The following LYRM4 variants were observed in gnomAD, a reference collection of about 807,000 sequenced individuals.
LYRM4 encodes the protein LYR motif containing 4.
In LYRM4, 9 loss-of-function variants were observed where a neutral mutation model predicts 11.7. The observed-to-expected ratio is 0.77, with a 90% CI of 0.46 to 1.34. The LOEUF (loss-of-function observed/expected upper bound fraction) is 1.34. Ranked by LOEUF, LYRM4 falls within the 40% of genes most tolerant of loss-of-function variation. The pLI, the probability that LYRM4 is intolerant of heterozygous loss-of-function variation, is 0.00. For synonymous variants in LYRM4, 42 were observed against 40.4 expected, an observed-to-expected ratio of 1.04 and a Z score of -0.15; for missense variants, 133 against 112.5, an observed-to-expected ratio of 1.18 and a Z score of -0.82.
chr6:5,103,793 C>T (rs1305184192), downstream of LYRM4: 4 of 151,880 alleles, frequency 2.6e-5, no homozygotes, highest in African/African-American at 9.7e-5. Flanking sequence ...CACTGCCACG[C>T]CTGGCTAATT....
chr6:5,038,594 C>G, the LYRM4 span, among the ~76,000 whole-genome samples: 1 of 64,628 alleles, frequency 1.5e-5, no homozygotes, highest in Non-Finnish European at 3.8e-5. Flanking sequence ...AGCCTGGGCA[C>G]CATTGAGCAC....
intron 1 of LYRM4, among the ~76,000 whole-genome samples, chr6:5,257,099 A>T (rs939509367): frequency 1.3e-5 from 2 of 152,032 alleles, no homozygotes; most frequent in Non-Finnish European, 2.9e-5. Context: ...CATCTTCTAC[A>T]CTGCTGCCAG....
chr6:5,166,535 C>T lies in LYRM4; in HGVS notation c.207+50083G>A, dbSNP rs1039054414. 1.6e-3 allele frequency among the ~76,000 whole-genome samples: 249 copies of T among 152,284 alleles called. 4 individuals are homozygous for T. The highest frequency in any genetic ancestry group is 2.4e-4 in the Non-Finnish European group (16 of 68,022). ...GTATTGAAGCCTTTTCCTACTTGTC[C>T]TATTTGTTCTAGGATATCGGTCCAA... On this transcript the variant is annotated intron_variant, in intron 2 of 2. Coordinates refer to ENST00000330636, the MANE Select transcript of LYRM4 (RefSeq NM_020408.6).
At chr6:5,229,326 TG>T (rs1305505995) in intron 1 of LYRM4, among the ~76,000 whole-genome samples, 1 of 152,110 alleles carries the variant, frequency 6.6e-6, no homozygotes, top group Non-Finnish European at 1.5e-5. Flanking sequence ...CTGTTGAGGT[TG>T]GAAATGGCCA....
At chr6:5,067,501 A>C in the LYRM4 span, among the ~76,000 whole-genome samples, 2 of 152,232 alleles carry the variant, frequency 1.3e-5, no homozygotes, top group Non-Finnish European at 2.9e-5. Flanking sequence ...TTCTCACAAC[A>C]TGGCGGCCAG....
chr6:5,092,416 T>A, the LYRM4 span, among the ~76,000 whole-genome samples: 1 of 151,982 alleles, frequency 6.6e-6, no homozygotes, highest in Non-Finnish European at 1.5e-5. Flanking sequence ...CGTTTTACAT[T>A]ATTTTTAAAA....
chr6:5,128,909 G>T (rs1480026479), intron 2 of LYRM4, among the ~76,000 whole-genome samples: 3 of 152,256 alleles, frequency 2.0e-5, no homozygotes, highest in Non-Finnish European at 4.4e-5. Context: ...TGGGCAGCCA[G>T]TGCTTGGGCC....
At chr6:5,045,079 C>T in the LYRM4 span, among the ~76,000 whole-genome samples, 2 of 152,282 alleles carry the variant, frequency 1.3e-5, no homozygotes, top group Admixed American at 6.5e-5. Flanking sequence ...ACTCAACATC[C>T]GGTTGCCAAT....
chr6:5,095,063 A>G, the LYRM4 span, among the ~76,000 whole-genome samples: 1 of 152,192 alleles, frequency 6.6e-6, no homozygotes, highest in Non-Finnish European at 1.5e-5. Flanking sequence ...TCACACATGT[A>G]CAGGTATCAA....
chr6:5,147,654 A>C (rs893126288), intron 2 of LYRM4, among the ~76,000 whole-genome samples: 2 of 152,232 alleles, frequency 1.3e-5, no homozygotes, highest in African/African-American at 2.4e-5. Flanking sequence ...GGAAGACAGG[A>C]AACAGGGATA....
chr6:5,067,090 C>T, the LYRM4 span: 3 of 287,070 alleles, frequency 1.0e-5, no homozygotes, highest in Admixed American at 5.2e-5. Context: ...ATGCACTTGG[C>T]GGAAAAATTA....
chr6:5,245,163 T>A (rs187213951), intron 1 of LYRM4, among the ~76,000 whole-genome samples: 3,496 of 64,774 alleles, frequency 0.054, 163 homozygotes, highest in Middle Eastern at 0.073. Context: ...TATATATATA[T>A]AAAATAGGTG....
intron 1 of LYRM4, among the ~76,000 whole-genome samples, chr6:5,257,024 C>A (rs987110355): frequency 1.3e-5 from 2 of 152,130 alleles, no homozygotes; most frequent in Admixed American, 6.5e-5. Context: ...TCCTTACTAG[C>A]GTCCTAATCT....
At chr6:5,082,116 A>G in the LYRM4 span, among the ~76,000 whole-genome samples, 1 of 152,188 alleles carries the variant, frequency 6.6e-6, no homozygotes, top group East Asian at 1.9e-4. Context: ...TCCGTGAGTC[A>G]TATGGAAGCT....
At chr6:5,260,149 T>A (rs1764934754) in intron 1 of LYRM4, among the ~76,000 whole-genome samples, 1 of 152,160 alleles carries the variant, frequency 6.6e-6, no homozygotes, top group African/African-American at 2.4e-5. Context: ...CTAAATAGAA[T>A]GGATTCTTGC....
chr6:5,162,157 C>T (rs915229067), intron 2 of LYRM4, among the ~76,000 whole-genome samples: 2 of 152,208 alleles, frequency 1.3e-5, no homozygotes, highest in African/African-American at 4.8e-5. Context: ...AGGCTGTCAA[C>T]CCTGCCTGCA....
At chr6:5,095,756 G>A in the LYRM4 span, among the ~76,000 whole-genome samples, 1 of 151,944 alleles carries the variant, frequency 6.6e-6, no homozygotes, top group Non-Finnish European at 1.5e-5. Flanking sequence ...GAGGCAGGTG[G>A]GTCATTTGAA....
At chr6:5,176,081 T>TTTTTTCAGTTTTTTTCTC (rs1759703596) in intron 2 of LYRM4, among the ~76,000 whole-genome samples, 1 of 151,816 alleles carries the variant, frequency 6.6e-6, no homozygotes. Context: ...TTTTTTTTTT[T>TTTTTTCAGTTTTTTTCTC]TGAGACAGAG....
chr6:5,165,341 A>G (rs1380954875), intron 2 of LYRM4, among the ~76,000 whole-genome samples: 1 of 152,240 alleles, frequency 6.6e-6, no homozygotes, highest in Non-Finnish European at 1.5e-5. Context: ...AAAAAGGCAC[A>G]GCAGCTTTAA....
Sources: gnomAD v4.1 joint callset for allele counts (sites outside exome capture counted in the v4.1 genomes callset) on GRCh38, gnomAD v4.1.1 for gene constraint, MANE v1.5 for transcripts, NCBI Gene and HGNC (gene_info 2026-07-23, HGNC 2026-07-21) for gene names.